Variants in EPHA3 observed in about 807,000 individuals in gnomAD.
EPHA3 encodes the protein ephrin type-A receptor 3.
Under a neutral mutation model 107.1 loss-of-function variants are expected in EPHA3, and 42 were observed. The observed-to-expected ratio is 0.39, with a 90% CI of 0.31 to 0.51. The LOEUF (loss-of-function observed/expected upper bound fraction) is 0.51. Ranked by LOEUF, EPHA3 falls within the 20% of genes least tolerant of loss-of-function variation. The pLI, the probability that EPHA3 is intolerant of heterozygous loss-of-function variation, is 0.78. For synonymous variants in EPHA3, 461 were observed against 424.8 expected, an observed-to-expected ratio of 1.09 and a Z score of -1.05; for missense variants, 1,183 against 1,211.2, an observed-to-expected ratio of 0.98 and a Z score of 0.35.
chr3:89,374,982 A>G (rs1209797301), intron 5 of EPHA3, among the ~76,000 whole-genome samples: 1 of 151,846 alleles, frequency 6.6e-6, no homozygotes, highest in Non-Finnish European at 1.5e-5. Context: ...AATTTTCAAT[A>G]TTATCTGTAT....
chr3:89,283,002 A>G (rs1302953910), intron 3 of EPHA3, among the ~76,000 whole-genome samples: 1 of 152,096 alleles, frequency 6.6e-6, no homozygotes, highest in Admixed American at 6.6e-5. Context: ...TTAAAAGTTG[A>G]CAGTTTCTGT....
intron 5 of EPHA3, among the ~76,000 whole-genome samples, chr3:89,387,722 T>A (rs1391779042): frequency 1.3e-5 from 2 of 152,168 alleles, no homozygotes; most frequent in Non-Finnish European, 2.9e-5. Flanking sequence ...AAGGAATATG[T>A]TGATTAATTG....
Position 89,274,566 on chromosome 3 carries a change from T to A in EPHA3, c.814+64046T>A, listed in dbSNP as rs575267568. Among the ~76,000 whole-genome samples the A allele has an allele frequency of 3.5e-4, 53 of 152,102 alleles. No homozygotes were observed. The South Asian group carries it at 0.011, about 30-fold the overall frequency. ...CTCATCTGAAAGCCATAGATTTATG[T>A]GAATTAATAGAGAACAGACAAATAT... On this transcript the variant is annotated intron_variant, in intron 3 of 16. Coordinates refer to ENST00000336596, the MANE Select transcript of EPHA3 (RefSeq NM_005233.6).
chr3:89,107,662 CT>C lies in EPHA3; in HGVS notation c.-85del, dbSNP rs952444840. ...TCAGCCTGCGAGCGGAGCATGGTAACTTCTCCAGCAATCAGAGCGCTCCCCC... is the reference window on the plus strand; with the variant it reads ...TCAGCCTGCGAGCGGAGCATGGTAACTCTCCAGCAATCAGAGCGCTCCCCC... On this transcript the variant is annotated 5_prime_UTR_variant, in exon 1 of 17. Transcript: ENST00000336596. 3.5e-5 allele frequency: 44 copies of C among 1,253,620 alleles called. No individual in the cohort carries two copies. Among genetic ancestry groups the C allele is most frequent in the Non-Finnish European group, 4.5e-5 (39 of 863,494 alleles). The allele number at this position is 1,253,620 out of a possible 1,614,324, so 77.7% of individuals were successfully genotyped here.
intron 12 of EPHA3, among the ~76,000 whole-genome samples, chr3:89,430,564 G>A (rs1709546085): frequency 6.6e-6 from 1 of 152,040 alleles, no homozygotes; most frequent in East Asian, 1.9e-4. Flanking sequence ...TTTAATCCAA[G>A]ATTAAATTAG....
intron 2 of EPHA3, among the ~76,000 whole-genome samples, chr3:89,153,751 T>C (rs531928068): frequency 3.1e-4 from 47 of 152,118 alleles, no homozygotes; most frequent in Non-Finnish European, 5.0e-4. Context: ...GTGTTCATCA[T>C]AGAATGATCC....
intron 2 of EPHA3, among the ~76,000 whole-genome samples, chr3:89,132,995 G>A (rs747564314): frequency 6.6e-6 from 1 of 152,152 alleles, no homozygotes; most frequent in Non-Finnish European, 1.5e-5. Flanking sequence ...TGAGATTTGA[G>A]CAACTGAAAT....
chr3:89,454,847 G>A (rs958393953), intron 15 of EPHA3, among the ~76,000 whole-genome samples: 1 of 151,564 alleles, frequency 6.6e-6, no homozygotes, highest in African/African-American at 2.4e-5. Flanking sequence ...TTTTTAAATG[G>A]GCCAGGCATG....
chr3:89,201,247 A>G (rs2107160530), intron 2 of EPHA3, among the ~76,000 whole-genome samples: 1 of 152,180 alleles, frequency 6.6e-6, no homozygotes, highest in Admixed American at 6.5e-5. Context: ...CTCCCTCAAT[A>G]TCATGAAAAC....
At chr3:89,135,243 C>T (rs1704287113) in intron 2 of EPHA3, among the ~76,000 whole-genome samples, 1 of 152,140 alleles carries the variant, frequency 6.6e-6, no homozygotes, top group Admixed American at 6.5e-5. Flanking sequence ...ACCCCTATTC[C>T]TAGCATACAA....
intron 3 of EPHA3, among the ~76,000 whole-genome samples, chr3:89,215,008 A>G (rs1387708384): frequency 1.3e-5 from 2 of 151,940 alleles, no homozygotes; most frequent in Non-Finnish European, 2.9e-5. Context: ...TTAGTTGGAA[A>G]GGATATACCA....
At chr3:89,304,103 G>A (rs1280215812) in intron 3 of EPHA3, among the ~76,000 whole-genome samples, 2 of 151,802 alleles carry the variant, frequency 1.3e-5, no homozygotes, top group Non-Finnish European at 2.9e-5. Flanking sequence ...CCCCCACTTC[G>A]CTACTCACTT....
chr3:89,325,562 C>T (rs1257849004), intron 3 of EPHA3, among the ~76,000 whole-genome samples: 2 of 152,106 alleles, frequency 1.3e-5, no homozygotes, highest in South Asian at 2.1e-4. Context: ...ATCTGAGGCC[C>T]TCATATCATT....
chr3:89,351,828 C>T (rs1707828149), intron 5 of EPHA3, among the ~76,000 whole-genome samples: 1 of 150,590 alleles, frequency 6.6e-6, no homozygotes, highest in Non-Finnish European at 1.5e-5. Flanking sequence ...GTTCTGTTTA[C>T]CTCCAGTTTC....
At chr3:89,253,530 A>C (rs1705210824) in intron 3 of EPHA3, among the ~76,000 whole-genome samples, 1 of 152,192 alleles carries the variant, frequency 6.6e-6, no homozygotes. Context: ...TGAACTTGAA[A>C]GTATATGCAT....
intron 2 of EPHA3, among the ~76,000 whole-genome samples, chr3:89,189,549 C>T (rs1266703041): frequency 3.9e-5 from 6 of 152,124 alleles, no homozygotes; most frequent in East Asian, 3.9e-4. Context: ...GCCCAGATTG[C>T]GCCACTGTAC....
intron 3 of EPHA3, among the ~76,000 whole-genome samples, chr3:89,242,760 T>A (rs1288248962): frequency 7.1e-6 from 1 of 139,870 alleles, no homozygotes; most frequent in Non-Finnish European, 1.6e-5. Context: ...CTTTCTTTTA[T>A]TTTTTTATTA....
chr3:89,345,078 T>C (rs1707612887), intron 5 of EPHA3, among the ~76,000 whole-genome samples: 1 of 151,258 alleles, frequency 6.6e-6, no homozygotes, highest in Non-Finnish European at 1.5e-5. Context: ...TTTTTTTTCT[T>C]CTGGACAAAA....
intron 3 of EPHA3, among the ~76,000 whole-genome samples, chr3:89,269,709 T>C (rs1367984463): frequency 6.7e-6 from 1 of 150,346 alleles, no homozygotes; most frequent in Non-Finnish European, 1.5e-5. Flanking sequence ...ACCCACTAAC[T>C]TGTCATCTAG....
Sources: allele counts gnomAD v4.1 joint callset (sites outside exome capture counted in the v4.1 genomes callset), GRCh38; gene constraint gnomAD v4.1.1; transcripts MANE v1.5; gene names NCBI Gene and HGNC (gene_info 2026-07-23, HGNC 2026-07-21).